Variants in PHACTR2 observed in about 807,000 individuals in gnomAD.
The protein encoded by PHACTR2 is chromosome 6 open reading frame 56.
Under a neutral mutation model 76.0 loss-of-function variants are expected in PHACTR2, and 30 were observed. That is an observed-to-expected ratio of 0.39 (90% CI 0.30 to 0.54). The LOEUF (loss-of-function observed/expected upper bound fraction) is 0.54, where lower values mean the gene tolerates loss of function less well. Among genes scored for constraint, PHACTR2 ranks in the 20% least tolerant of loss-of-function variants. PHACTR2 has a pLI of 0.61. For synonymous variants in PHACTR2, 292 were observed against 292.5 expected (o/e 1.00, Z 0.02); for missense variants, 696 against 781.1 (o/e 0.89, Z 1.30).
rs1406989392 is a variant in PHACTR2, at chr6:143,557,203, T to C, written c.217+19996T>C. ...AAGTAAGTTACTTTAATCATCATCA[T>C]CACTAGTATTGCAGAGAAGTTTAAA... On this transcript the variant is annotated intron_variant, in intron 1 of 11. Coordinates refer to the PHACTR2 transcript ENST00000367584. This position sits in a 1 kb window ranked among gnomAD's most constrained non-coding sequence, Gnocchi z 5.5. 1.3e-5 allele frequency among the ~76,000 whole-genome samples: 2 copies of C among 152,228 alleles called. No homozygotes were observed. The highest frequency in any genetic ancestry group is 2.9e-5 in the Non-Finnish European group (2 of 68,038).
intron 12 of PHACTR2, among the ~76,000 whole-genome samples, chr6:143,810,239 T>C (rs1175726130): frequency 6.6e-6 from 1 of 152,246 alleles, no homozygotes; most frequent in East Asian, 1.9e-4. Flanking sequence ...GTTTTCAGTT[T>C]TTCATTATTA....
chr6:143,620,988 A>G (rs1401459135), intron 1 of PHACTR2, among the ~76,000 whole-genome samples: 2 of 152,256 alleles, frequency 1.3e-5, no homozygotes, highest in East Asian at 3.8e-4. Flanking sequence ...GGAAATTCCA[A>G]TAGAGGCTCA....
At chr6:143,628,641 C>T (rs897422456) in intron 1 of PHACTR2, among the ~76,000 whole-genome samples, 1 of 152,036 alleles carries the variant, frequency 6.6e-6, no homozygotes, top group Non-Finnish European at 1.5e-5. Flanking sequence ...GGGTAATAGC[C>T]TCATCTCAGA....
chr6:143,668,315 G>T (rs1159378661), intron 1 of PHACTR2, among the ~76,000 whole-genome samples: 2 of 152,186 alleles, frequency 1.3e-5, no homozygotes, highest in African/African-American at 4.8e-5. Flanking sequence ...TGTTCATCAG[G>T]TCTATTGGCC....
In PHACTR2 at chr6:143,592,191, G is replaced by A. The variant is rs534807131; in HGVS notation, c.217+54984G>A. 1.1e-4 allele frequency among the ~76,000 whole-genome samples: 17 copies of A among 152,146 alleles called. No individual in the cohort carries two copies. The highest frequency in any genetic ancestry group is 2.4e-4 in the Non-Finnish European group (16 of 68,028). On this transcript the variant is annotated intron_variant, in intron 1 of 11. Transcript: ENST00000367584. This position sits in a 1 kb window ranked among gnomAD's most constrained non-coding sequence, Gnocchi z 4.0. The stretch of plus-strand genomic sequence containing the variant: ...TAGAACATATGGTAACTAATAGTTC[G>A]TTAGCTTGATTTACAGCTTTTAAAT...
rs560289308 is a variant in PHACTR2, at chr6:143,613,195, T to G, written c.13+4873T>G. Among the ~76,000 whole-genome samples, 45 of 152,362 alleles carry G rather than the reference T, an allele frequency of 3.0e-4. No homozygotes were observed. In the East Asian group the frequency reaches 5.4e-3, roughly 18 times the overall value. ...TTTCACCGTGTTAGCCAGGATGGTCTCAGTCTCCCGACCTCGTGATCCACC... is the reference window on the plus strand; with the variant it reads ...TTTCACCGTGTTAGCCAGGATGGTCGCAGTCTCCCGACCTCGTGATCCACC... On this transcript the variant is annotated intron_variant, in intron 1 of 11. Transcript: ENST00000305766.
Position 143,811,415 on chromosome 6 carries a change from T to C in PHACTR2, c.1922+4282T>C, listed in dbSNP as rs1776171943. On this transcript the variant is annotated intron_variant, in intron 12 of 12. Transcript: ENST00000440869. This position sits in a 1 kb window ranked among gnomAD's most constrained non-coding sequence, Gnocchi z 4.1. The stretch of plus-strand genomic sequence containing the variant: ...TTTTATTTACTCATCTAGAGAAATT[T>C]AGTATATGCTTCTTGTATTTCATAA... Among the ~76,000 whole-genome samples, 1 of 152,216 alleles carries C rather than the reference T, an allele frequency of 6.6e-6. No homozygotes were observed. The highest frequency in any genetic ancestry group is 6.5e-5 in the Admixed American group (1 of 15,280).
chr6:143,615,845 A>C (rs1485436297), intron 1 of PHACTR2, among the ~76,000 whole-genome samples: 1 of 152,164 alleles, frequency 6.6e-6, no homozygotes, highest in Non-Finnish European at 1.5e-5. Context: ...GTCTCATCTG[A>C]CCACACCTGT....
At chr6:143,813,815 T>C (rs1776237309) in intron 12 of PHACTR2, among the ~76,000 whole-genome samples, 1 of 152,142 alleles carries the variant, frequency 6.6e-6, no homozygotes, top group East Asian at 1.9e-4. Context: ...TTTTCTCATG[T>C]TGAGACTGAG....
At chr6:143,540,556 C>T (rs6935132) in intron 1 of PHACTR2, among the ~76,000 whole-genome samples, 36,504 of 151,948 alleles carry the variant, frequency 0.24, 7,799 homozygotes, top group African/African-American at 0.57. Flanking sequence ...TGATAAATAC[C>T]GTGAGGGTAC....
chr6:143,670,749 T>C (rs973599128), intron 1 of PHACTR2, among the ~76,000 whole-genome samples: 2 of 152,182 alleles, frequency 1.3e-5, no homozygotes, highest in African/African-American at 4.8e-5. Flanking sequence ...TCCTCTAACC[T>C]TTTTTCCAGG....
intron 1 of PHACTR2, among the ~76,000 whole-genome samples, chr6:143,614,440 T>A (rs1776030183): frequency 6.6e-6 from 1 of 152,162 alleles, no homozygotes; most frequent in South Asian, 2.1e-4. Context: ...ACCTTATTCT[T>A]CCTCTCCGGA....
rs199622615 is a variant in PHACTR2, at chr6:143,765,581, C to G, written c.1015C>G (p.Pro339Ala). 64 of 1,614,040 alleles carry G rather than the reference C, an allele frequency of 4.0e-5. 1 individual carries two copies. Among genetic ancestry groups the G allele is most frequent in the South Asian group, 9.9e-5 (9 of 91,088 alleles). The part of the protein sequence containing the change: ...GKFKSMVPPP[P>A]VAPAPSPLAP... ...ATTCAAGTCCATGGTCCCTCCACCC[C>G]CTGTGGCTCCAGCACCTTCTCCTCT... is the stretch of plus-strand genomic sequence containing the variant. Residue 339 changes from proline to alanine, a missense_variant, in exon 6 of 13, where the codon CCT becomes GCT. By Grantham distance (27) the Pro-to-Ala change is conservative. Around this residue, in one of 2 missense-constraint regions of PHACTR2, gnomAD observed 460 missense variants for 450.9 expected, o/e 1.02. Transcript: ENST00000440869. This position sits in a 1 kb window ranked among gnomAD's most constrained non-coding sequence, Gnocchi z 4.1.
intron 1 of PHACTR2, among the ~76,000 whole-genome samples, chr6:143,579,205 CA>C (rs1273508296): frequency 1.3e-5 from 2 of 152,094 alleles, no homozygotes; most frequent in African/African-American, 4.8e-5. Context: ...TGACCTGCTC[CA>C]AAACTTATTT....
At chr6:143,798,070 T>G (rs1276202174) in intron 11 of PHACTR2, among the ~76,000 whole-genome samples, 1 of 152,216 alleles carries the variant, frequency 6.6e-6, no homozygotes, top group Non-Finnish European at 1.5e-5. Context: ...CTCTCTTATT[T>G]CCTTGAGCAG....
intron 1 of PHACTR2, among the ~76,000 whole-genome samples, chr6:143,551,844 G>A (rs1448575476): frequency 1.3e-5 from 2 of 152,184 alleles, no homozygotes; most frequent in African/African-American, 2.4e-5. Flanking sequence ...GGGAGGCTAA[G>A]CTCTAAATGG....
At position 143,647,226 on chromosome 6, in the gene PHACTR2, T is replaced by C. The variant is rs1212348646; in HGVS notation, c.13+38904T>C. 6.6e-6 allele frequency among the ~76,000 whole-genome samples: 1 copy of C among 152,222 alleles called. No individual in the cohort carries two copies. Among genetic ancestry groups the C allele is most frequent in the African/African-American group, 2.4e-5 (1 of 41,448 alleles). On this transcript the variant is annotated intron_variant, in intron 1 of 11. Coordinates refer to the PHACTR2 transcript ENST00000305766. The surrounding 1 kb of genome is among the most constrained non-coding windows in gnomAD (Gnocchi z 4.2). ...ATGTGTTTTGCATCCCTTTCTGTGA[T>C]GTAGATAATATTAGTCCTATTTTGC...
At position 143,680,763 on chromosome 6, in the gene PHACTR2, T is replaced by G. The variant is rs1341444338; in HGVS notation, c.46+2554T>G. 1.3e-5 allele frequency among the ~76,000 whole-genome samples: 2 copies of G among 151,956 alleles called. No homozygotes were observed. The highest frequency in any genetic ancestry group is 2.4e-5 in the African/African-American group (1 of 41,330). On this transcript the variant is annotated intron_variant, in intron 1 of 12. Coordinates refer to ENST00000440869, the MANE Select transcript of PHACTR2 (RefSeq NM_001100164.2). This position sits in a 1 kb window ranked among gnomAD's most constrained non-coding sequence, Gnocchi z 4.5. Reference sequence around the variant, plus strand: ...ACCCTCAATCTCTGTTCCCACCCTATTCAACCAGTGGGCTCTACCTTAATG... The same window carrying G: ...ACCCTCAATCTCTGTTCCCACCCTAGTCAACCAGTGGGCTCTACCTTAATG...
At chr6:143,642,511 G>A (rs1385821528) in intron 1 of PHACTR2, among the ~76,000 whole-genome samples, 3 of 152,142 alleles carry the variant, frequency 2.0e-5, no homozygotes, top group Admixed American at 6.5e-5. Flanking sequence ...GTTATGGATT[G>A]AGCCGTGTCC....
Sources: allele counts gnomAD v4.1 joint callset (sites outside exome capture counted in the v4.1 genomes callset), GRCh38; gene constraint gnomAD v4.1.1; regional missense constraint gnomAD v4.1.1; non-coding constraint Gnocchi (gnomAD v3.1); transcripts MANE v1.5; gene names NCBI Gene and HGNC (gene_info 2026-07-23, HGNC 2026-07-21).